STRAP: variants seen among roughly 807,000 people sequenced by gnomAD.
The protein encoded by STRAP is serine/threonine kinase receptor associated protein.
A neutral mutation model predicts 47.0 loss-of-function variants in STRAP; 16 were observed. That is an observed-to-expected ratio of 0.34 (90% CI 0.23 to 0.52). The LOEUF is 0.52. Ranked by LOEUF, STRAP falls within the 20% of genes least tolerant of loss-of-function variation. The pLI, the probability that STRAP is intolerant of heterozygous loss-of-function variation, is 0.96. For synonymous variants in STRAP, 130 were observed against 142.7 expected, an observed-to-expected ratio of 0.91 and a Z score of 0.63; for missense variants, 293 against 420.0, an observed-to-expected ratio of 0.70 and a Z score of 2.64.
chr12:15,902,184 G>A (rs1443474873), intron 9 of STRAP, among the ~76,000 whole-genome samples: 1 of 152,106 alleles, frequency 6.6e-6, no homozygotes, highest in Non-Finnish European at 1.5e-5. Context: ...ATGTTGATCA[G>A]GCTGGTCTTG....
intron 1 of STRAP, chr12:15,883,050 C>T (rs919837319): frequency 1.3e-6 from 2 of 1,535,300 alleles, no homozygotes; most frequent in Non-Finnish European, 1.7e-6. Context: ...TAAGACCTCT[C>T]TCCTTATTTT....
intron 9 of STRAP, 100 bp from the exon 10 acceptor site, chr12:15,902,817 C>T (rs1591991245): frequency 1.5e-6 from 2 of 1,368,074 alleles, no homozygotes; most frequent in Non-Finnish European, 1.9e-6. Context: ...TTTACAAACA[C>T]TTTTTCATTC....
intron 7 of STRAP, 70 bp downstream of exon 7, chr12:15,898,088 T>TTA (rs879693683): frequency 0.024 from 27,044 of 1,118,402 alleles, 1 homozygote; most frequent in Non-Finnish European, 0.027. Flanking sequence ...AACACCTCAT[T>TTA]TATATATATA....
chr12:15,890,484 C>T lies in STRAP; in HGVS notation c.331-113C>T. On this transcript the variant is annotated intron_variant, in intron 3 of 9. Transcript: ENST00000419869. The surrounding 1 kb of genome is among the most constrained non-coding windows in gnomAD (Gnocchi z 4.5). Reference sequence around the variant, plus strand: ...TCAGAAGTAATTGGTTATGTCTTGGCATCTCTTTGTGATGTCTGTGAGCTA... The same window carrying T: ...TCAGAAGTAATTGGTTATGTCTTGGTATCTCTTTGTGATGTCTGTGAGCTA... 1.2e-6 allele frequency: 1 copy of T among 849,684 alleles called. No individual in the cohort carries two copies. The highest frequency in any genetic ancestry group is 1.9e-6 in the Non-Finnish European group (1 of 519,946). The allele number at this position is 849,684 out of a possible 1,614,324, so 52.6% of individuals were successfully genotyped here.
In STRAP at chr12:15,888,782, T is replaced by A. The variant is rs538278788; in HGVS notation, c.249-1146T>A. Among the ~76,000 whole-genome samples the A allele has an allele frequency of 3.9e-5, 6 of 152,314 alleles. No individual in the cohort carries two copies. The South Asian group carries it at 1.2e-3, about 32-fold the overall frequency. Reference sequence around the variant, plus strand: ...TCTTAAATGTGATATTTAATGCATGTTTTTCTCCTCAGCTAAAGCTCTACT... The same window carrying A: ...TCTTAAATGTGATATTTAATGCATGATTTTCTCCTCAGCTAAAGCTCTACT... On this transcript the variant is annotated intron_variant, in intron 2 of 9. Coordinates refer to ENST00000419869, the MANE Select transcript of STRAP (RefSeq NM_007178.4).
chr12:15,882,918 G>T, intron 1 of STRAP, 99 bp downstream of exon 1: 1 of 1,378,686 alleles, frequency 7.3e-7, no homozygotes, highest in Non-Finnish European at 1.0e-6. Flanking sequence ...GTGGTGAGGG[G>T]GGAGGGGGCG....
Position 15,887,096 on chromosome 12 carries a change from GT to G in STRAP, c.249-2828del, listed in dbSNP as rs1316602511. ...AAGCCAATAGAAATATCTAATTTTA[GT>G]TTTAATAAGGTTCTTGATAAATCGA... On this transcript the variant is annotated intron_variant, in intron 2 of 9. Transcript: ENST00000419869. This position sits in a 1 kb window ranked among gnomAD's most constrained non-coding sequence, Gnocchi z 5.5. Among the ~76,000 whole-genome samples the G allele has an allele frequency of 6.6e-6, 1 of 152,102 alleles. No individual in the cohort carries two copies. The highest frequency in any genetic ancestry group is 2.4e-5 in the African/African-American group (1 of 41,398).
intron 8 of STRAP, among the ~76,000 whole-genome samples, 195 bp downstream of exon 8, chr12:15,900,248 A>G (rs940605497): frequency 1.3e-5 from 2 of 152,004 alleles, no homozygotes; most frequent in Admixed American, 6.6e-5. Context: ...TTTTTTTGGT[A>G]TGGCTGGGCA....
At chr12:15,889,105 T>G (rs1490585466) in intron 2 of STRAP, among the ~76,000 whole-genome samples, 1 of 151,122 alleles carries the variant, frequency 6.6e-6, no homozygotes, top group Non-Finnish European at 1.5e-5. Flanking sequence ...TGTTCTGATC[T>G]AAAATCAACT....
intron 2 of STRAP, among the ~76,000 whole-genome samples, chr12:15,885,189 T>G (rs1947959252): frequency 6.7e-6 from 1 of 148,342 alleles, no homozygotes; most frequent in Non-Finnish European, 1.5e-5. Flanking sequence ...TGTTTTTTTT[T>G]TTTTTTTTTT....
chr12:15,883,154 A>G (rs1183069969), intron 1 of STRAP: 10 of 1,534,678 alleles, frequency 6.5e-6, no homozygotes, highest in Non-Finnish European at 8.7e-6. Context: ...GGGAAAGGAG[A>G]AATTAGGCCA....
Position 15,903,008 on chromosome 12 carries a change from A to T in STRAP, c.*30A>T. The T allele has an allele frequency of 6.7e-7, 1 of 1,487,140 alleles. No homozygotes were observed. 92.1% of individuals were successfully genotyped at this position (1,487,140 alleles called of 1,614,324 possible). A position where few individuals can be genotyped will look rare whatever the true frequency, so the allele number is the denominator to read the frequency against. On this transcript the variant is annotated 3_prime_UTR_variant, in exon 10 of 10. Coordinates refer to ENST00000419869, the MANE Select transcript of STRAP (RefSeq NM_007178.4). ...CAATCATATGTGCAGTTAGTATACA[A>T]CTGACTAAAACAAGCAAGCAGAGAA...
At chr12:15,898,088 T>TATA in intron 7 of STRAP, 70 bp downstream of exon 7, 1 of 1,197,124 alleles carries the variant, frequency 8.4e-7, no homozygotes, top group East Asian at 3.0e-5. Flanking sequence ...AACACCTCAT[T>TATA]TATATATATA....
intron 2 of STRAP, among the ~76,000 whole-genome samples, chr12:15,888,992 TAGC>T (rs547163469): frequency 3.0e-4 from 46 of 152,296 alleles, no homozygotes; most frequent in African/African-American, 9.9e-4. Context: ...TGAAAATAAA[TAGC>T]AGTTGCATTA....
intron 7 of STRAP, among the ~76,000 whole-genome samples, chr12:15,898,834 C>T (rs1195754024): frequency 2.0e-5 from 3 of 152,112 alleles, no homozygotes; most frequent in Non-Finnish European, 4.4e-5. Flanking sequence ...TACCAAAGAA[C>T]GAAGCTTGCT....
intron 6 of STRAP, among the ~76,000 whole-genome samples, 162 bp from the exon 7 acceptor site, chr12:15,897,720 T>C (rs1948072025): frequency 6.6e-6 from 1 of 151,878 alleles, no homozygotes; most frequent in South Asian, 2.1e-4. Context: ...TTGATTTTTT[T>C]TTTTTTTTTT....
At chr12:15,891,826 T>C (rs1228127337) in intron 4 of STRAP, among the ~76,000 whole-genome samples, 1 of 151,954 alleles carries the variant, frequency 6.6e-6, no homozygotes, top group Non-Finnish European at 1.5e-5. Flanking sequence ...GCGCCTGTAA[T>C]TCCCAGGTAC....
chr12:15,897,618 TC>T (rs1948070932), intron 6 of STRAP, among the ~76,000 whole-genome samples: 1 of 152,132 alleles, frequency 6.6e-6, no homozygotes, highest in Admixed American at 6.5e-5. Flanking sequence ...CACACTCATT[TC>T]CGGGAAGACA....
Position 15,897,945 on chromosome 12 carries a change from G to A in STRAP, c.702G>A (p.Glu234=), listed in dbSNP as rs752087716. The change falls in exon 7 of 10, where the codon GAG becomes GAA. Residue 234 remains glutamate, a synonymous_variant. Transcript: ENST00000419869. Reference sequence around the variant, plus strand: ...TCAATTCTGCATCTCTTCATCCTGAGAAAGAATTTCTTGTTGCAGGCGGTG... The same window carrying A: ...TCAATTCTGCATCTCTTCATCCTGAAAAAGAATTTCTTGTTGCAGGCGGTG... ...ATINSASLHP[E]KEFLVAGGED... 5.5e-5 allele frequency: 88 copies of A among 1,599,224 alleles called. No homozygotes were observed. The highest frequency in any genetic ancestry group is 7.3e-5 in the Non-Finnish European group (86 of 1,174,270).
Sources: gnomAD v4.1 joint callset for allele counts (sites outside exome capture counted in the v4.1 genomes callset) on GRCh38, gnomAD v4.1.1 for gene constraint, Gnocchi (gnomAD v3.1) non-coding constraint, MANE v1.5 for transcripts, NCBI Gene and HGNC (gene_info 2026-07-23, HGNC 2026-07-21) for gene names.